Variants in WDR53 observed in about 807,000 individuals in gnomAD.
WDR53 encodes the protein WD repeat-containing protein 53.
In WDR53, 19 loss-of-function variants were observed where a neutral mutation model predicts 21.3. That is an observed-to-expected ratio of 0.89 (90% CI 0.62 to 1.31). The LOEUF is 1.31. Among genes scored for constraint, WDR53 ranks in the 50% most tolerant of loss-of-function variants. WDR53 has a pLI of 0.00. For synonymous variants in WDR53, 157 were observed against 163.4 expected, an observed-to-expected ratio of 0.96 and a Z score of 0.30; for missense variants, 374 against 423.2, an observed-to-expected ratio of 0.88 and a Z score of 1.02.
chr3:196,562,553 C>T (rs555463937), intron 2 of WDR53, among the ~76,000 whole-genome samples: 8 of 152,298 alleles, frequency 5.3e-5, no homozygotes, highest in Admixed American at 1.3e-4. Flanking sequence ...TGAGCCACCA[C>T]GCCCGGCTGC....
chr3:196,563,446 C>T (rs759672452), intron 2 of WDR53, among the ~76,000 whole-genome samples: 4 of 152,166 alleles, frequency 2.6e-5, no homozygotes, highest in South Asian at 2.1e-4. Context: ...AGAGCTTACC[C>T]GAGTGCCAGC....
At chr3:196,561,626 A>G (rs1304734617) in intron 2 of WDR53, 135 bp from the exon 3 acceptor site, 1 of 998,412 alleles carries the variant, frequency 1.0e-6, no homozygotes, top group East Asian at 2.8e-5. Context: ...ATTAATTAAA[A>G]AAAAAAAAGA....
chr3:196,566,827 G>A, intron 2 of WDR53, 50 bp downstream of exon 2: 1 of 178,544 alleles, frequency 5.6e-6, no homozygotes, highest in Admixed American at 6.0e-5. Context: ...TGATGAGCAG[G>A]TGAAAGATTT....
chr3:196,564,610 G>A (rs1458071902), intron 2 of WDR53, among the ~76,000 whole-genome samples: 4 of 151,702 alleles, frequency 2.6e-5, no homozygotes, highest in East Asian at 1.9e-4. Flanking sequence ...TGATCCTCCC[G>A]TCTCAGCCTC....
At position 196,567,167 on chromosome 3, in the gene WDR53, A is replaced by G; in HGVS notation, c.-307T>C. On this transcript the variant is annotated 5_prime_UTR_variant, in exon 2 of 4. Transcript: ENST00000332629. ...ACTCTGCTTATCCTTGAAGACTTCA[A>G]AGAAATTAGTGAGAGACAGTCACCA... 2 of 457,226 alleles carry G rather than the reference A, an allele frequency of 4.4e-6. No individual in the cohort carries two copies. Among genetic ancestry groups the G allele is most frequent in the Non-Finnish European group, 8.8e-6 (2 of 227,078 alleles). The allele number at this position is 457,226 out of a possible 1,614,324, so 28.3% of individuals were successfully genotyped here.
In WDR53 at chr3:196,561,014, T is replaced by A. The variant is rs773508324; in HGVS notation, c.462A>T (p.Ser154=). 3.1e-6 allele frequency: 5 copies of A among 1,613,638 alleles called. No homozygotes were observed. The African/African-American group carries it at 6.7e-5, about 22-fold the overall frequency. ...FRPQRPQSLV[S]CGLDMQVMLW... Reference sequence around the variant, plus strand: ...GCATCACCTGCATATCCAGTCCACATGACACCAGGCTCTGAGGCCTCTGAG... The same window carrying A: ...GCATCACCTGCATATCCAGTCCACAAGACACCAGGCTCTGAGGCCTCTGAG... Residue 154 remains serine (S), a synonymous_variant, in exon 3 of 4, where the codon TCA becomes TCT. Coordinates refer to ENST00000332629, the MANE Select transcript of WDR53 (RefSeq NM_182627.3).
intron 3 of WDR53, 151 bp downstream of exon 3, chr3:196,560,845 A>G: frequency 1.1e-6 from 1 of 936,410 alleles, no homozygotes; most frequent in Non-Finnish European, 1.6e-6. Flanking sequence ...TTATCAGACT[A>G]GCATTAAATG....
intron 3 of WDR53, among the ~76,000 whole-genome samples, chr3:196,556,481 T>TC (rs1734327169): frequency 2.0e-5 from 3 of 151,844 alleles, no homozygotes; most frequent in African/African-American, 7.2e-5. Context: ...ACAGTGAAAC[T>TC]GCATCTCTAC....
chr3:196,565,969 TA>T (rs1735350360), intron 2 of WDR53, among the ~76,000 whole-genome samples: 1 of 152,240 alleles, frequency 6.6e-6, no homozygotes, highest in Non-Finnish European at 1.5e-5. Flanking sequence ...TGGAGTTGCC[TA>T]AAGCGTTAAG....
chr3:196,566,656 C>T (rs190610978), intron 2 of WDR53, among the ~76,000 whole-genome samples: 1 of 152,156 alleles, frequency 6.6e-6, no homozygotes, highest in Non-Finnish European at 1.5e-5. Flanking sequence ...GCAGGTGATC[C>T]GCCCGCTTCG....
intron 2 of WDR53, among the ~76,000 whole-genome samples, chr3:196,563,074 T>G (rs1735033985): frequency 6.6e-6 from 1 of 152,188 alleles, no homozygotes; most frequent in African/African-American, 2.4e-5. Context: ...ATTTAAATAA[T>G]GAAGGTCCTT....
At chr3:196,565,267 A>C (rs963413722) in intron 2 of WDR53, among the ~76,000 whole-genome samples, 2 of 151,786 alleles carry the variant, frequency 1.3e-5, no homozygotes, top group African/African-American at 4.8e-5. Flanking sequence ...AATGTTAAAA[A>C]AAAAAAAAAG....
At position 196,554,331 on chromosome 3, in the gene WDR53, T is replaced by A. The variant is rs1408707855; in HGVS notation, c.957A>T (p.Leu319=). The change falls in exon 4 of 4, where the codon CTA becomes CTT. Residue 319 remains leucine, a synonymous_variant. Transcript: ENST00000332629. ...EEEHGNILPK[L]NIEHGEKVNW... ...TCACTTTTTCTCCATGTTCAATATT[T>A]AGCTTTGGTAAAATGTTGCCATGTT... The A allele has an allele frequency of 6.2e-7, 1 of 1,614,022 alleles. No homozygotes were observed. Among genetic ancestry groups the A allele is most frequent in the East Asian group, 2.2e-5 (1 of 44,900 alleles).
intron 1 of WDR53, 103 bp downstream of exon 1, chr3:196,568,416 G>A (rs1735649208): frequency 6.5e-6 from 1 of 153,080 alleles, no homozygotes; most frequent in Non-Finnish European, 1.5e-5. Context: ...GAGCCCAGGA[G>A]AGCAGACGCG....
Position 196,561,059 on chromosome 3 carries a change from G to C in WDR53, c.417C>G (p.Cys139Trp). ...TCTGAGGCCGAAAAGCCACTGAGGA[G>C]CAGATATTGGAATGTCTCTTCAAGG... ...IRSLKRHSNI[C>W]SSVAFRPQRP... Residue 139 changes from cysteine to tryptophan, a missense_variant, in exon 3 of 4, where the codon TGC becomes TGG. Cys to Trp is a radical substitution (Grantham distance 215). Transcript: ENST00000332629. 6.2e-7 allele frequency: 1 copy of C among 1,614,234 alleles called. No individual in the cohort carries two copies. The highest frequency in any genetic ancestry group is 8.5e-7 in the Non-Finnish European group (1 of 1,180,044).
chr3:196,568,458 T>TGGAAAACAGCATCGAAGTCACC (rs1399372877), intron 1 of WDR53, 61 bp downstream of exon 1: 1 of 153,058 alleles, frequency 6.5e-6, no homozygotes, highest in East Asian at 1.9e-4. Context: ...GAAAAAGCAC[T>TGGAAAACAGCATCGAAGTCACC]GGAAAACAGC....
At chr3:196,558,350 G>A (rs1477221006) in intron 3 of WDR53, among the ~76,000 whole-genome samples, 2 of 152,068 alleles carry the variant, frequency 1.3e-5, no homozygotes, top group Admixed American at 6.5e-5. Context: ...GGGACCACAG[G>A]TGGATGCTAG....
chr3:196,567,212 T>C lies in WDR53; in HGVS notation c.-352A>G. 2.2e-6 allele frequency: 1 copy of C among 457,254 alleles called. No individual in the cohort carries two copies. The highest frequency in any genetic ancestry group is 1.5e-5 in the South Asian group (1 of 64,566). The allele number at this position is 457,254 out of a possible 1,614,324, so 28.3% of individuals were successfully genotyped here. On this transcript the variant is annotated 5_prime_UTR_variant, in exon 2 of 4. Transcript: ENST00000332629. ...TCACCATCACCAGAGTCAGCACAGG[T>C]CAACTTTTCTCTACAGGCTTGGGGT...
rs776593018 is a variant in WDR53, at chr3:196,561,041, C to T, written c.435G>A (p.Arg145=). Residue 145 remains arginine, a synonymous_variant, in exon 3 of 4, where the codon CGG becomes CGA. Coordinates refer to ENST00000332629, the MANE Select transcript of WDR53 (RefSeq NM_182627.3). ...HSNICSSVAF[R]PQRPQSLVSC... ...ACACCAGGCTCTGAGGCCTCTGAGG[C>T]CGAAAAGCCACTGAGGAGCAGATAT... 1.2e-6 allele frequency: 2 copies of T among 1,614,176 alleles called. No homozygotes were observed. Among genetic ancestry groups the T allele is most frequent in the Non-Finnish European group, 1.7e-6 (2 of 1,180,036 alleles).
Sources: allele counts gnomAD v4.1 joint callset (sites outside exome capture counted in the v4.1 genomes callset), GRCh38; gene constraint gnomAD v4.1.1; transcripts MANE v1.5; gene names NCBI Gene and HGNC (gene_info 2026-07-23, HGNC 2026-07-21).